NAT10: variants seen among roughly 807,000 people sequenced by gnomAD.
The protein encoded by NAT10 is N-acetyltransferase 10.
NAT10 carries 109 observed loss-of-function variants against 132.2 expected under a neutral mutation model. The ratio of observed to expected loss-of-function variants is 0.82; its 90% CI spans 0.71 to 0.97. The LOEUF is 0.97. Ranked by LOEUF, NAT10 falls within the 50% of genes least tolerant of loss-of-function variation. The probability of loss-of-function intolerance (pLI) is 0.00; values close to 1 mark genes in which losing one functional copy is unlikely to be tolerated. For synonymous variants in NAT10, 479 were observed against 478.0 expected (o/e 1.00, Z -0.03); for missense variants, 1,184 against 1,263.4 (o/e 0.94, Z 0.95).
At chr11:34,114,713 T>G (rs971926106) in intron 5 of NAT10, among the ~76,000 whole-genome samples, 1 of 152,204 alleles carries the variant, frequency 6.6e-6, no homozygotes, top group African/African-American at 2.4e-5. Flanking sequence ...AGATATCACC[T>G]CATCCATGTG....
intron 21 of NAT10, among the ~76,000 whole-genome samples, chr11:34,138,048 G>A (rs754255263): frequency 1.3e-5 from 2 of 152,202 alleles, no homozygotes; most frequent in African/African-American, 2.4e-5. Flanking sequence ...AAACAAGGTC[G>A]CTGGAGGGAG....
intron 6 of NAT10, 24 bp downstream of exon 6, chr11:34,115,908 T>C (rs1851775863): frequency 2.5e-6 from 4 of 1,611,822 alleles, no homozygotes; most frequent in Middle Eastern, 1.7e-4. Context: ...TCCCCCCAAT[T>C]GTGGGGCAGC....
intron 9 of NAT10, among the ~76,000 whole-genome samples, chr11:34,123,466 A>C (rs1377305712): frequency 6.6e-6 from 1 of 152,242 alleles, no homozygotes; most frequent in African/African-American, 2.4e-5. Flanking sequence ...GCTAGTGATG[A>C]GCATGAAACT....
chr11:34,123,706 G>T, intron 9 of NAT10, 56 bp from the exon 10 acceptor site: 2 of 1,307,740 alleles, frequency 1.5e-6, no homozygotes, highest in Non-Finnish European at 2.2e-6. Flanking sequence ...TTTTTAAATT[G>T]TTTCTTTAAG....
chr11:34,118,315 A>C, intron 7 of NAT10, 21 bp downstream of exon 7: 1 of 1,612,250 alleles, frequency 6.2e-7, no homozygotes, highest in Non-Finnish European at 8.5e-7. Flanking sequence ...GCTGGGGTCC[A>C]GGAATCTGGG....
intron 25 of NAT10, 63 bp from the exon 26 acceptor site, chr11:34,141,656 C>T (rs1852333831): frequency 4.8e-6 from 7 of 1,449,750 alleles, no homozygotes; most frequent in Non-Finnish European, 5.8e-6. Context: ...GTGTCTGGGT[C>T]ACGGGTGACT....
In NAT10 at chr11:34,141,015, T is replaced by C; in HGVS notation, c.2593-74T>C. 6.2e-6 allele frequency: 10 copies of C among 1,602,866 alleles called. No homozygotes were observed. The South Asian group carries it at 1.1e-4, about 18-fold the overall frequency. ...CCAATAGCTTTGGTCAAGAGAGTAC[T>C]CTGGTTCTTGGCGCCATTTTAATGG... On this transcript the variant is annotated intron_variant, in intron 24 of 28. Coordinates refer to ENST00000257829, the MANE Select transcript of NAT10 (RefSeq NM_024662.3).
chr11:34,107,575 TATC>T (rs1265113859), intron 1 of NAT10, among the ~76,000 whole-genome samples: 2 of 152,258 alleles, frequency 1.3e-5, no homozygotes, highest in African/African-American at 4.8e-5. Context: ...TAAGAAATGT[TATC>T]ATACTTTATT....
At chr11:34,108,398 C>A in intron 2 of NAT10, 65 bp downstream of exon 2, 1 of 1,314,654 alleles carries the variant, frequency 7.6e-7, no homozygotes, top group Non-Finnish European at 1.1e-6. Flanking sequence ...CATGTTTAAG[C>A]ACTCTGCTGT....
chr11:34,116,263 A>C (rs1366159702), intron 6 of NAT10, among the ~76,000 whole-genome samples: 1 of 152,222 alleles, frequency 6.6e-6, no homozygotes, highest in Non-Finnish European at 1.5e-5. Flanking sequence ...TGGCATAGTA[A>C]AAATGATTAA....
At chr11:34,118,099 A>AT (rs1372998439) in intron 6 of NAT10, 81 bp from the exon 7 acceptor site, 12 of 1,189,128 alleles carry the variant, frequency 1.0e-5, no homozygotes, top group Non-Finnish European at 1.3e-5. Context: ...GGGCCAGTTA[A>AT]TTTTTTTGAA....
Position 34,110,921 on chromosome 11 carries a change from G to A in NAT10, c.201-1131G>A, listed in dbSNP as rs530135660. Among the ~76,000 whole-genome samples the A allele has an allele frequency of 2.6e-4, 40 of 152,282 alleles. No homozygotes were observed. The South Asian group carries it at 2.7e-3, about 10-fold the overall frequency. ...TGTCAGCATCTAGGTGTATCTTACA[G>A]GGATGTAGTTTTGAACCATAATTGG... On this transcript the variant is annotated intron_variant, in intron 3 of 28. Coordinates refer to ENST00000257829, the MANE Select transcript of NAT10 (RefSeq NM_024662.3).
intron 21 of NAT10, among the ~76,000 whole-genome samples, chr11:34,137,627 G>A (rs1852241527): frequency 1.3e-5 from 2 of 152,146 alleles, no homozygotes; most frequent in South Asian, 2.1e-4. Flanking sequence ...TGTATTCCTC[G>A]CACTTAGAGT....
chr11:34,119,773 CCT>C (rs1164496994), intron 8 of NAT10, among the ~76,000 whole-genome samples: 1 of 152,134 alleles, frequency 6.6e-6, no homozygotes, highest in East Asian at 1.9e-4. Context: ...TAAGTGGTCC[CCT>C]GTTAGACATT....
chr11:34,134,279 A>T (rs774969021), intron 16 of NAT10, 40 bp from the exon 17 acceptor site: 8 of 1,532,366 alleles, frequency 5.2e-6, no homozygotes, highest in Non-Finnish European at 7.2e-6. Flanking sequence ...TCTGTATCAG[A>T]GTTGGCCTTT....
At position 34,142,314 on chromosome 11, in the gene NAT10, G is replaced by C; in HGVS notation, c.2851G>C (p.Glu951Gln). 1 of 1,614,174 alleles carries C rather than the reference G, an allele frequency of 6.2e-7. No homozygotes were observed. The highest frequency in any genetic ancestry group is 8.5e-7 in the Non-Finnish European group (1 of 1,180,032). ...AKEFQEKHKK[E>Q]VGKLKSMDLS... is the part of the protein sequence containing the mutation. ...GGAATTTCAGGAGAAACACAAGAAGGAAGTAGGGAAGCTGAAGAGCATGGA... is the reference window on the plus strand; with the variant it reads ...GGAATTTCAGGAGAAACACAAGAAGCAAGTAGGGAAGCTGAAGAGCATGGA... The change falls in exon 27 of 29, where the codon GAA becomes CAA. Residue 951 changes from glutamate to glutamine, a missense_variant. By Grantham distance (29) the Glu-to-Gln change is conservative (BLOSUM62 2). Coordinates refer to ENST00000257829, the MANE Select transcript of NAT10 (RefSeq NM_024662.3).
intron 12 of NAT10, 65 bp from the exon 13 acceptor site, chr11:34,130,748 C>T: frequency 6.3e-7 from 1 of 1,580,408 alleles, no homozygotes; most frequent in South Asian, 1.1e-5. Flanking sequence ...GAAAGCAGCT[C>T]TCTGTCCCCT....
intron 9 of NAT10, 125 bp from the exon 10 acceptor site, chr11:34,123,637 T>C (rs1277568154): frequency 2.9e-5 from 19 of 666,110 alleles, no homozygotes; most frequent in African/African-American, 1.3e-4. Context: ...CCTGACTTTT[T>C]CCCTTGCTGT....
chr11:34,136,205 C>G (rs1852209165), intron 19 of NAT10, among the ~76,000 whole-genome samples: 1 of 152,028 alleles, frequency 6.6e-6, no homozygotes, highest in African/African-American at 2.4e-5. Flanking sequence ...CCTCAGCCAC[C>G]TGAGTAGCTG....
Sources: gnomAD v4.1 joint callset for allele counts (sites outside exome capture counted in the v4.1 genomes callset) on GRCh38, gnomAD v4.1.1 for gene constraint, MANE v1.5 for transcripts, NCBI Gene and HGNC (gene_info 2026-07-23, HGNC 2026-07-21) for gene names.